The following CCDC146 variants were observed in gnomAD, a reference collection of about 807,000 sequenced individuals.
CCDC146 encodes the protein coiled-coil domain-containing protein 146.
A neutral mutation model predicts 119.3 loss-of-function variants in CCDC146; 92 were observed. The observed-to-expected ratio is 0.77, with a 90% confidence interval of 0.65 to 0.92. The LOEUF (loss-of-function observed/expected upper bound fraction) is 0.92, where lower values mean the gene tolerates loss of function less well. Among genes scored for constraint, CCDC146 ranks in the 40% least tolerant of loss-of-function variants. The pLI, the probability that CCDC146 is intolerant of heterozygous loss-of-function variation, is 0.00. For missense variants in CCDC146, 1,000 were observed against 1,103.0 expected (o/e 0.91, Z 1.32); for synonymous variants, 372 against 371.8 (o/e 1.00, Z -0.01).
chr7:77,139,456 A>G (rs369994797), intron 1 of CCDC146, among the ~76,000 whole-genome samples: 2 of 152,316 alleles, frequency 1.3e-5, no homozygotes, highest in African/African-American at 4.8e-5. Flanking sequence ...GTCATTATAC[A>G]TTTGTTCAGA....
At chr7:77,246,817 G>T (rs1195584930) in intron 4 of CCDC146, among the ~76,000 whole-genome samples, 1 of 152,096 alleles carries the variant, frequency 6.6e-6, no homozygotes, top group East Asian at 1.9e-4. Flanking sequence ...TAACTCCTCA[G>T]TTTCTTCATT....
intron 2 of CCDC146, among the ~76,000 whole-genome samples, chr7:77,188,021 C>T (rs911728088): frequency 4.6e-5 from 7 of 152,196 alleles, no homozygotes; most frequent in South Asian, 2.1e-4. Context: ...AGGCAAATGC[C>T]GAGCTGTAAC....
At chr7:77,225,929 G>A (rs1027835162) in intron 2 of CCDC146, among the ~76,000 whole-genome samples, 2 of 112,958 alleles carry the variant, frequency 1.8e-5, no homozygotes, top group South Asian at 3.4e-4. Flanking sequence ...GGCAACAAGA[G>A]CGAAACTTCA....
At position 77,253,476 on chromosome 7, in the gene CCDC146, T is replaced by C. The variant is rs887984001; in HGVS notation, c.450-1030T>C. Among the ~76,000 whole-genome samples the C allele has an allele frequency of 7.9e-5, 12 of 152,358 alleles. No homozygotes were observed. In the South Asian group the frequency reaches 1.0e-3, roughly 13 times the overall value. The stretch of plus-strand genomic sequence containing the variant: ...ATGTGGTGCAATAGGTCATTCTGAG[T>C]GACGATCTATTTCCATATGCATGCC... On this transcript the variant is annotated intron_variant, in intron 4 of 18. Transcript: ENST00000285871.
chr7:77,130,429 C>G (rs1790765204), intron 1 of CCDC146, among the ~76,000 whole-genome samples: 1 of 152,038 alleles, frequency 6.6e-6, no homozygotes, highest in Non-Finnish European at 1.5e-5. Context: ...AAGAGCATAG[C>G]AAAGGCTTTG....
At chr7:77,259,762 A>G (rs146213938) in intron 7 of CCDC146, among the ~76,000 whole-genome samples, 1 of 152,232 alleles carries the variant, frequency 6.6e-6, no homozygotes, top group Non-Finnish European at 1.5e-5. Context: ...TCTGCACAGA[A>G]AGTAGGGAGG....
At chr7:77,197,713 A>G (rs908581236) in intron 2 of CCDC146, among the ~76,000 whole-genome samples, 1 of 152,216 alleles carries the variant, frequency 6.6e-6, no homozygotes, top group African/African-American at 2.4e-5. Context: ...TCACTTGACA[A>G]CTATATAAAG....
chr7:77,270,053 T>A (rs1032792817), intron 9 of CCDC146, among the ~76,000 whole-genome samples: 15 of 152,238 alleles, frequency 9.9e-5, no homozygotes, highest in Non-Finnish European at 8.8e-5. Context: ...GGCGTTTGAC[T>A]TGTACATAGA....
rs1270280253 is a variant in CCDC146 at position 77,259,088 on chromosome 7, C to A, written c.758+20C>A. On this transcript the variant is annotated intron_variant, in intron 7 of 18. Transcript: ENST00000285871. ...AAAAGTGTATGATTTAATATTTTTACTTTGAATCCCTGCCAGTCCAAGTTA... is the reference window on the plus strand; with the variant it reads ...AAAAGTGTATGATTTAATATTTTTAATTTGAATCCCTGCCAGTCCAAGTTA... 7.0e-7 allele frequency: 1 copy of A among 1,432,224 alleles called. No homozygotes were observed. The highest frequency in any genetic ancestry group is 1.4e-5 in the African/African-American group (1 of 71,428). The allele number at this position is 1,432,224 out of a possible 1,614,324, so 88.7% of individuals were successfully genotyped here.
intron 1 of CCDC146, among the ~76,000 whole-genome samples, chr7:77,163,851 CT>C (rs1554347966): frequency 3.5e-5 from 5 of 140,904 alleles, no homozygotes; most frequent in East Asian, 2.1e-4. Flanking sequence ...TTCTTTCTTT[CT>C]TTTTTTTCTT....
At chr7:77,125,234 A>G (rs953898733) in intron 1 of CCDC146, among the ~76,000 whole-genome samples, 15 of 151,168 alleles carry the variant, frequency 9.9e-5, no homozygotes, top group African/African-American at 3.4e-4. Flanking sequence ...AGACAGTATT[A>G]CATAAATTAG....
intron 1 of CCDC146, among the ~76,000 whole-genome samples, chr7:77,149,744 G>C (rs1324795954): frequency 6.6e-6 from 1 of 150,630 alleles, no homozygotes; most frequent in Non-Finnish European, 1.5e-5. Context: ...TCCAGCCTGT[G>C]ACAGAGCAAG....
intron 8 of CCDC146, 120 bp from the exon 9 acceptor site, chr7:77,262,001 A>T: frequency 1.3e-6 from 1 of 741,574 alleles, no homozygotes; most frequent in Non-Finnish European, 2.2e-6. Flanking sequence ...TTCTGTTTTT[A>T]GGTCTTTGCC....
chr7:77,216,442 C>A (rs1266160264), intron 2 of CCDC146, among the ~76,000 whole-genome samples: 1 of 152,026 alleles, frequency 6.6e-6, no homozygotes, highest in Non-Finnish European at 1.5e-5. Context: ...GAATCAAGTC[C>A]CTACAAAGCC....
intron 18 of CCDC146, among the ~76,000 whole-genome samples, chr7:77,293,810 C>CA (rs1562865550): frequency 2.6e-5 from 4 of 152,206 alleles, no homozygotes; most frequent in Non-Finnish European, 4.4e-5. Context: ...CATCTCTTTC[C>CA]AAGGAGTCTA....
chr7:77,145,008 A>T (rs1295871792), intron 1 of CCDC146, among the ~76,000 whole-genome samples: 1 of 151,614 alleles, frequency 6.6e-6, no homozygotes, highest in Non-Finnish European at 1.5e-5. Flanking sequence ...AGCTCCTCCT[A>T]GTACCTCTGG....
At chr7:77,185,363 C>A (rs900746325) in intron 2 of CCDC146, among the ~76,000 whole-genome samples, 1 of 151,912 alleles carries the variant, frequency 6.6e-6, no homozygotes, top group African/African-American at 2.4e-5. Flanking sequence ...GTTTGATAAA[C>A]GTTTAAACAT....
At position 77,278,837 on chromosome 7, in the gene CCDC146, G is replaced by T; in HGVS notation, c.1526G>T (p.Arg509Leu). The change falls in exon 12 of 19, where the codon CGG (arginine) becomes CTG (leucine). Residue 509 changes from arginine to leucine, a missense_variant. Physicochemically the swap from Arg to Leu is moderately radical, Grantham distance 102. This residue lies in a region of CCDC146 where 985 missense variants were observed against 1,045.3 expected (regional missense o/e 0.94). Coordinates refer to ENST00000285871, the MANE Select transcript of CCDC146 (RefSeq NM_020879.3). ...AAGAAGAAAAAATGTGAAATTTATC[G>T]GAGGTAAAGTAATTATGTGGTGTTT... Reference protein sequence around the residue: ...IHKKKKCEIYRRLREFAKLYD... With the variant: ...IHKKKKCEIYLRLREFAKLYD... 6.2e-7 allele frequency: 1 copy of T among 1,609,382 alleles called. No individual in the cohort carries two copies.
intron 2 of CCDC146, among the ~76,000 whole-genome samples, chr7:77,185,094 T>C (rs576277933): frequency 9.9e-5 from 15 of 152,208 alleles, no homozygotes; most frequent in Non-Finnish European, 1.6e-4. Context: ...CTTTTTTTTT[T>C]CCAGGGAAGA....
Sources: gnomAD v4.1 joint callset for allele counts (sites outside exome capture counted in the v4.1 genomes callset) on GRCh38, gnomAD v4.1.1 for gene constraint, gnomAD v4.1.1 regional missense constraint, MANE v1.5 for transcripts, NCBI Gene and HGNC (gene_info 2026-07-23, HGNC 2026-07-21) for gene names.